Variants in SGCZ observed in about 807,000 individuals in gnomAD.
SGCZ encodes zeta-sarcoglycan.
SGCZ carries 40 observed loss-of-function variants against 41.3 expected under a neutral mutation model. The ratio of observed to expected loss-of-function variants is 0.97; its 90% CI spans 0.75 to 1.26. The LOEUF (loss-of-function observed/expected upper bound fraction) is 1.26. SGCZ is among the 50% of genes most tolerant of loss of function. The pLI, the probability that SGCZ is intolerant of heterozygous loss-of-function variation, is 0.00. For missense variants in SGCZ, 552 were observed against 369.8 expected, an observed-to-expected ratio of 1.49 and a Z score of -4.04; for synonymous variants, 206 against 137.5, an observed-to-expected ratio of 1.50 and a Z score of -3.49.
At chr8:14,935,563 T>A (rs1320921065) in intron 1 of SGCZ, among the ~76,000 whole-genome samples, 1 of 151,904 alleles carries the variant, frequency 6.6e-6, no homozygotes, top group Non-Finnish European at 1.5e-5. Context: ...GATCATTGAA[T>A]CACTTTGATC....
intron 1 of SGCZ, among the ~76,000 whole-genome samples, chr8:15,205,601 A>G (rs958251578): frequency 2.6e-5 from 4 of 152,194 alleles, no homozygotes; most frequent in African/African-American, 4.8e-5. Flanking sequence ...AAGTCAAAAA[A>G]TAACAGATGC....
At chr8:14,640,034 G>A (rs1211444041) in intron 1 of SGCZ, among the ~76,000 whole-genome samples, 1 of 151,672 alleles carries the variant, frequency 6.6e-6, no homozygotes, top group East Asian at 1.9e-4. Flanking sequence ...TTATGCATTA[G>A]CTTTAAGTTT....
At chr8:14,515,171 T>G (rs1802584870) in intron 2 of SGCZ, among the ~76,000 whole-genome samples, 1 of 151,972 alleles carries the variant, frequency 6.6e-6, no homozygotes, top group Non-Finnish European at 1.5e-5. Flanking sequence ...TTGCTTTACA[T>G]GTCACTCCTC....
chr8:14,575,805 C>T (rs1804689354), intron 1 of SGCZ, among the ~76,000 whole-genome samples: 1 of 150,824 alleles, frequency 6.6e-6, no homozygotes, highest in Non-Finnish European at 1.5e-5. Flanking sequence ...ACTTTGGAGG[C>T]TGAGGCAGGA....
intron 2 of SGCZ, among the ~76,000 whole-genome samples, chr8:14,329,062 G>GT (rs71541661): frequency 0.2 from 30,386 of 151,104 alleles, 3,748 homozygotes; most frequent in Non-Finnish European, 0.29. Context: ...TATTTTCTGC[G>GT]TTTTTTTTTC....
chr8:14,981,818 G>A (rs113710430), intron 1 of SGCZ, among the ~76,000 whole-genome samples: 2 of 152,254 alleles, frequency 1.3e-5, no homozygotes, highest in African/African-American at 4.8e-5. Flanking sequence ...ATAACAGCCA[G>A]ATAAAGTATA....
At chr8:14,202,460 C>T (rs968628152) in intron 4 of SGCZ, among the ~76,000 whole-genome samples, 3 of 151,924 alleles carry the variant, frequency 2.0e-5, no homozygotes, top group African/African-American at 7.3e-5. Context: ...AACGAATGTA[C>T]CAACTCTTGT....
At chr8:14,219,404 A>G (rs574521708) in intron 4 of SGCZ, among the ~76,000 whole-genome samples, 3 of 152,170 alleles carry the variant, frequency 2.0e-5, no homozygotes, top group African/African-American at 7.2e-5. Context: ...GAAAGGGCCA[A>G]ATTCTAATCC....
At position 14,627,688 on chromosome 8, in the gene SGCZ, G is replaced by C. The variant is rs554916185; in HGVS notation, c.40-72762C>G. Among the ~76,000 whole-genome samples, 7 of 152,082 alleles carry C rather than the reference G, an allele frequency of 4.6e-5. No individual in the cohort carries two copies. In the South Asian group the frequency reaches 1.5e-3, roughly 32 times the overall value. On this transcript the variant is annotated intron_variant, in intron 1 of 7. Coordinates refer to ENST00000382080, the MANE Select transcript of SGCZ (RefSeq NM_139167.4). ...TTTCTGAATGATTGTCCTTGGATTA[G>C]GCGCATCATACACCCAGCTGATCTG...
At chr8:14,583,548 G>A (rs1385818621) in intron 1 of SGCZ, among the ~76,000 whole-genome samples, 1 of 152,040 alleles carries the variant, frequency 6.6e-6, no homozygotes, top group Non-Finnish European at 1.5e-5. Context: ...TGTTGCCATT[G>A]CTTTTGATGT....
chr8:14,896,553 T>C (rs1246454195), intron 1 of SGCZ, among the ~76,000 whole-genome samples: 1 of 152,178 alleles, frequency 6.6e-6, no homozygotes, highest in African/African-American at 2.4e-5. Context: ...CTCGGCTCAC[T>C]GCAAACTCCA....
chr8:14,122,150 G>A (rs1367238442), intron 5 of SGCZ, among the ~76,000 whole-genome samples: 7 of 152,138 alleles, frequency 4.6e-5, no homozygotes, highest in Admixed American at 2.6e-4. Flanking sequence ...GGCGGCAGGC[G>A]CCTGTAGTCC....
rs192362476 is a variant in SGCZ at position 14,855,937 on chromosome 8, G to A, written c.40-301011C>T. 4.1e-3 allele frequency among the ~76,000 whole-genome samples: 625 copies of A among 152,228 alleles called. 4 individuals carry two copies. The highest frequency in any genetic ancestry group is 0.018 in the South Asian group (87 of 4,816). The stretch of plus-strand genomic sequence containing the variant: ...CCAACTTTTCATTAAAGGCCGATCC[G>A]AATTTTGCAAGACATTTTCCAGTGA... On this transcript the variant is annotated intron_variant, in intron 1 of 7. Transcript: ENST00000382080.
intron 1 of SGCZ, among the ~76,000 whole-genome samples, chr8:14,562,003 T>G (rs1020253320): frequency 6.6e-6 from 1 of 152,100 alleles, no homozygotes; most frequent in Non-Finnish European, 1.5e-5. Flanking sequence ...GGGAATGAAT[T>G]AATTTGGAAT....
chr8:14,935,895 C>T (rs1034774693), intron 1 of SGCZ, among the ~76,000 whole-genome samples: 1 of 151,526 alleles, frequency 6.6e-6, no homozygotes, highest in Non-Finnish European at 1.5e-5. Flanking sequence ...AAACCAGAAA[C>T]AAAATAATAA....
At chr8:15,235,943 T>C (rs1292819114) in intron 1 of SGCZ, among the ~76,000 whole-genome samples, 1 of 152,112 alleles carries the variant, frequency 6.6e-6, no homozygotes, top group Non-Finnish European at 1.5e-5. Flanking sequence ...GAAAGAGAAG[T>C]AGGGAATCTT....
intron 1 of SGCZ, among the ~76,000 whole-genome samples, chr8:15,066,227 G>A (rs1209800857): frequency 6.7e-6 from 1 of 150,216 alleles, no homozygotes; most frequent in Non-Finnish European, 1.5e-5. Flanking sequence ...AGAATGGCGT[G>A]AACCCGGGAA....
chr8:15,146,660 T>C (rs567183548), intron 1 of SGCZ, among the ~76,000 whole-genome samples: 1 of 152,258 alleles, frequency 6.6e-6, no homozygotes, highest in Non-Finnish European at 1.5e-5. Context: ...CAGTTGAAAG[T>C]AACCTCTGTG....
chr8:15,016,180 C>A (rs773905366), intron 1 of SGCZ, among the ~76,000 whole-genome samples: 14 of 152,138 alleles, frequency 9.2e-5, no homozygotes, highest in Non-Finnish European at 1.9e-4. Flanking sequence ...CCTCTGGAAG[C>A]GCCTTACATG....
Sources: allele counts gnomAD v4.1 joint callset (sites outside exome capture counted in the v4.1 genomes callset), GRCh38; gene constraint gnomAD v4.1.1; transcripts MANE v1.5; gene names NCBI Gene and HGNC (gene_info 2026-07-23, HGNC 2026-07-21).